The following UNC93B1 variants were observed in gnomAD, a reference collection of about 807,000 sequenced individuals.
The protein encoded by UNC93B1 is protein unc-93 homolog B1.
Under a neutral mutation model 56.8 loss-of-function variants are expected in UNC93B1, and 33 were observed. That is an observed-to-expected ratio of 0.58 (90% confidence interval 0.44 to 0.78). UNC93B1 has a LOEUF of 0.78. Among genes scored for constraint, UNC93B1 ranks in the 30% least tolerant of loss-of-function variants. UNC93B1 has a pLI of 0.00. For missense variants in UNC93B1, 673 were observed against 819.5 expected, an observed-to-expected ratio of 0.82 and a Z score of 2.18; for synonymous variants, 334 against 358.6, an observed-to-expected ratio of 0.93 and a Z score of 0.77.
intron 10 of UNC93B1, among the ~76,000 whole-genome samples, chr11:67,992,837 G>A (rs1375721115): frequency 2.7e-5 from 4 of 150,870 alleles, no homozygotes; most frequent in Non-Finnish European, 5.9e-5. Flanking sequence ...GCTAATTTTT[G>A]TGTTTTTAGT....
chr11:68,003,631 G>A lies in UNC93B1; in HGVS notation c.238+26C>T. ...GGCCGGGCTGGGAGCGGGCGGGGCG[G>A]CCCCGGGTCCCCGAGCGGCACCTAC... is the stretch of plus-strand genomic sequence containing the variant. On this transcript the variant is annotated intron_variant, in intron 2 of 10. Transcript: ENST00000227471. The surrounding 1 kb of genome is among the most constrained non-coding windows in gnomAD (Gnocchi z 4.4). The A allele has an allele frequency of 2.0e-6, 3 of 1,507,380 alleles. No homozygotes were observed. The highest frequency in any genetic ancestry group is 2.2e-4 in the Middle Eastern group (1 of 4,460). 93.4% of individuals were successfully genotyped at this position (1,507,380 alleles called of 1,614,324 possible).
chr11:67,998,549 G>T, intron 5 of UNC93B1, 97 bp from the exon 6 acceptor site: 1 of 1,226,086 alleles, frequency 8.2e-7, no homozygotes, highest in Non-Finnish European at 1.2e-6. Context: ...AGCCTTGGGG[G>T]AACAGGGGCC....
At position 67,999,321 on chromosome 11, in the gene UNC93B1, G is replaced by A. The variant is rs367693948; in HGVS notation, c.555-16C>T. On this transcript the variant is annotated splice_polypyrimidine_tract_variant and intron_variant, in intron 4 of 10. Transcript: ENST00000227471. ...CTGCGCCATCCTGGACCACAAAGGA[G>A]AGAAGGCTCTCCCCAGCCCGACCTG... is the stretch of plus-strand genomic sequence containing the variant. 3.7e-6 allele frequency: 6 copies of A among 1,607,208 alleles called. No homozygotes were observed. In the East Asian group the frequency reaches 1.1e-4, roughly 30 times the overall value.
intron 5 of UNC93B1, 144 bp downstream of exon 5, chr11:67,999,029 C>G: frequency 7.5e-7 from 1 of 1,339,148 alleles, no homozygotes; most frequent in Non-Finnish European, 9.9e-7. Context: ...AGTTCAAAGC[C>G]ATCTGGGCAA....
At chr11:67,997,520 T>A (rs1856968353) in intron 7 of UNC93B1, 155 bp downstream of exon 7, 1 of 1,317,050 alleles carries the variant, frequency 7.6e-7, no homozygotes, top group African/African-American at 1.5e-5. Context: ...CGGCCCTAGC[T>A]CCCCAACTCA....
Position 67,995,688 on chromosome 11 carries a change from A to G in UNC93B1, c.1286T>C (p.Leu429Pro). ...CACATAGAGGATCCAGCTGTGTTGC[A>G]GGACCCGAGGCACAGGGGCCCAGAA... ...LFFWAPVPRV[L>P]QHSWILYVAA... Residue 429 changes from leucine to proline, a missense_variant, in exon 9 of 11, where the codon CTG becomes CCG. Coordinates refer to ENST00000227471, the MANE Select transcript of UNC93B1 (RefSeq NM_030930.4). 1.9e-6 allele frequency: 3 copies of G among 1,543,956 alleles called. No individual in the cohort carries two copies. Among genetic ancestry groups the G allele is most frequent in the Middle Eastern group, 4.6e-4 (2 of 4,342 alleles).
Position 67,998,379 on chromosome 11 carries a change from A to G in UNC93B1, c.761T>C (p.Leu254Pro). The G allele has an allele frequency of 6.2e-7, 1 of 1,614,008 alleles. No individual in the cohort carries two copies. Among genetic ancestry groups the G allele is most frequent in the Non-Finnish European group, 8.5e-7 (1 of 1,179,874 alleles). The stretch of plus-strand genomic sequence containing the variant: ...CTAACCGCAGCTCTGCACATTGTAC[A>G]GCGTGTGGTTCAGGTCATACAGGTA... ...NHYLYDLNHT[L>P]YNVQSCGTNS... The change falls in exon 6 of 11, where the codon CTG (leucine) becomes CCG (proline). Residue 254 changes from leucine (L) to proline (P), a missense_variant. Coordinates refer to ENST00000227471, the MANE Select transcript of UNC93B1 (RefSeq NM_030930.4).
chr11:68,002,185 T>TACAC (rs60629377), intron 3 of UNC93B1, among the ~76,000 whole-genome samples: 51,884 of 140,548 alleles, frequency 0.37, 10,785 homozygotes, highest in East Asian at 0.51. Flanking sequence ...CCCGCTTGCA[T>TACAC]ACACACACAC....
At chr11:67,997,621 C>T (rs1856970515) in intron 7 of UNC93B1, 54 bp downstream of exon 7, 2 of 1,594,932 alleles carry the variant, frequency 1.3e-6, no homozygotes, top group Admixed American at 1.7e-5. Flanking sequence ...CAGACTCGGT[C>T]CCCAGAACCA....
rs1157309032 is a variant in UNC93B1, at chr11:68,003,231, G to C, written c.239-56C>G. 4.6e-6 allele frequency: 7 copies of C among 1,521,400 alleles called. No homozygotes were observed. Among genetic ancestry groups the C allele is most frequent in the African/African-American group, 1.4e-5 (1 of 71,290 alleles). 94.2% of individuals were successfully genotyped at this position (1,521,400 alleles called of 1,614,324 possible). On this transcript the variant is annotated intron_variant, in intron 2 of 10. Coordinates refer to ENST00000227471, the MANE Select transcript of UNC93B1 (RefSeq NM_030930.4). The surrounding 1 kb of genome is among the most constrained non-coding windows in gnomAD (Gnocchi z 4.4). ...GAGCAGCCTAGCTTTGGGCGCCACCGAGCAGAAGACGGCATGCAGGCCTCG... is the reference window on the plus strand; with the variant it reads ...GAGCAGCCTAGCTTTGGGCGCCACCCAGCAGAAGACGGCATGCAGGCCTCG...
rs1856967597 is a variant in UNC93B1, at chr11:67,997,469, C to A, written c.906+206G>T. On this transcript the variant is annotated intron_variant, in intron 7 of 10. Coordinates refer to ENST00000227471, the MANE Select transcript of UNC93B1 (RefSeq NM_030930.4). The stretch of plus-strand genomic sequence containing the variant: ...CCCACGCCTGCCTCGGACCACAGGC[C>A]TCAGCCCCGCCTCCGAGCCTCATGC... 6 of 854,818 alleles carry A rather than the reference C, an allele frequency of 7.0e-6. No homozygotes were observed. In the South Asian group the frequency reaches 1.1e-4, roughly 15 times the overall value. 53.0% of individuals were successfully genotyped at this position (854,818 alleles called of 1,614,324 possible). A position where few individuals can be genotyped will look rare whatever the true frequency, so the allele number is the denominator to read the frequency against.
intron 7 of UNC93B1, among the ~76,000 whole-genome samples, 184 bp from the exon 8 acceptor site, chr11:67,996,968 C>A (rs1188675415): frequency 6.6e-6 from 1 of 151,924 alleles, no homozygotes; most frequent in Non-Finnish European, 1.5e-5. Flanking sequence ...CAGCTCAAGG[C>A]CCCGCCTCTC....
intron 5 of UNC93B1, among the ~76,000 whole-genome samples, chr11:67,998,725 C>T (rs921611601): frequency 6.6e-6 from 1 of 152,078 alleles, no homozygotes; most frequent in Non-Finnish European, 1.5e-5. Context: ...TAGTAAGATC[C>T]TATCTCTACA....
intron 10 of UNC93B1, among the ~76,000 whole-genome samples, chr11:67,992,950 A>G (rs1165166451): frequency 2.0e-5 from 3 of 152,116 alleles, no homozygotes; most frequent in Non-Finnish European, 4.4e-5. Context: ...GGCGTGAGCC[A>G]CTACTGCCAG....
intron 10 of UNC93B1, among the ~76,000 whole-genome samples, chr11:67,992,978 T>C (rs2134356046): frequency 6.6e-6 from 1 of 151,132 alleles, no homozygotes; most frequent in South Asian, 2.1e-4. Flanking sequence ...CCTGCTATTT[T>C]TAGTTCTATT....
chr11:68,001,398 G>A (rs1857042858), intron 3 of UNC93B1, among the ~76,000 whole-genome samples: 1 of 152,062 alleles, frequency 6.6e-6, no homozygotes, highest in Non-Finnish European at 1.5e-5. Context: ...GGATGTGGTG[G>A]CTCACACCTG....
intron 5 of UNC93B1, 55 bp downstream of exon 5, chr11:67,999,118 G>A: frequency 4.4e-6 from 7 of 1,607,258 alleles, no homozygotes; most frequent in Non-Finnish European, 5.1e-6. Flanking sequence ...CTGTGGATGG[G>A]CTCCAATGCG....
chr11:67,999,240 C>A lies in UNC93B1; in HGVS notation c.620G>T (p.Arg207Leu). ...KEQDGQGMKQRPPRGSHAPYL... is the reference protein window; with the variant it reads ...KEQDGQGMKQLPPRGSHAPYL... ...GGGCGCGTGGGAGCCCCGCGGAGGC[C>A]GCTGCTTCATCCCCTGCCCATCCTG... The change falls in exon 5 of 11, where the codon CGG becomes CTG. Residue 207 changes from arginine (R) to leucine (L), a missense_variant. Transcript: ENST00000227471. 6.2e-7 allele frequency: 1 copy of A among 1,613,618 alleles called. No individual in the cohort carries two copies. Among genetic ancestry groups the A allele is most frequent in the Non-Finnish European group, 8.5e-7 (1 of 1,179,898 alleles).
At position 67,996,639 on chromosome 11, in the gene UNC93B1, C is replaced by T. The variant is rs1856951966; in HGVS notation, c.1052G>A (p.Gly351Asp). 1 of 1,551,412 alleles carries T rather than the reference C, an allele frequency of 6.4e-7. No individual in the cohort carries two copies. The highest frequency in any genetic ancestry group is 1.4e-5 in the African/African-American group (1 of 73,056). The change falls in exon 8 of 11, where the codon GGC becomes GAC. Residue 351 changes from glycine (G) to aspartate (D), a missense_variant. This residue lies in a region of UNC93B1 where 155 missense variants were observed against 268.3 expected (regional missense o/e 0.58). Coordinates refer to ENST00000227471, the MANE Select transcript of UNC93B1 (RefSeq NM_030930.4). ...AGTGCAGGCAAAGAGCACCTCGAAGCCGCTGTAGATAAAGAAAGGCACGAG... is the reference window on the plus strand; with the variant it reads ...AGTGCAGGCAAAGAGCACCTCGAAGTCGCTGTAGATAAAGAAAGGCACGAG... ...RHLVPFFIYS[G>D]FEVLFACTGI... is the part of the protein sequence containing the mutation.
Sources: allele counts gnomAD v4.1 joint callset (sites outside exome capture counted in the v4.1 genomes callset), GRCh38; gene constraint gnomAD v4.1.1; regional missense constraint gnomAD v4.1.1; non-coding constraint Gnocchi (gnomAD v3.1); transcripts MANE v1.5; gene names NCBI Gene and HGNC (gene_info 2026-07-23, HGNC 2026-07-21).